Variants in DENND2A observed in about 807,000 individuals in gnomAD.
DENND2A encodes the protein DENN domain containing 2A.
A neutral mutation model predicts 105.3 loss-of-function variants in DENND2A; 53 were observed. The observed-to-expected ratio is 0.50, with a 90% CI of 0.40 to 0.63. The LOEUF (loss-of-function observed/expected upper bound fraction) is 0.63, where lower values mean the gene tolerates loss of function less well. Among genes scored for constraint, DENND2A ranks in the 30% least tolerant of loss-of-function variants. The pLI is 0.00. For missense variants in DENND2A, 1,138 were observed against 1,279.6 expected (o/e 0.89, Z 1.69); for synonymous variants, 522 against 508.4 (o/e 1.03, Z -0.36).
At chr7:140,604,685 G>A (rs1249255637) in intron 2 of DENND2A, among the ~76,000 whole-genome samples, 6 of 152,182 alleles carry the variant, frequency 3.9e-5, no homozygotes, top group Admixed American at 2.0e-4. Context: ...GGTTATTAAT[G>A]TCCTATATGC....
Position 140,518,719 on chromosome 7 carries a change from G to A in DENND2A, c.3018C>T (p.Leu1006=), listed in dbSNP as rs1795747054. The part of the protein sequence containing the change: ...LKGLGNKMKF[L]HKK ...TTGAGGCTGAGAGTTATTTCTTGTG[G>A]AGAAATTTCATTTTATTGCCTAAAA... The change falls in exon 20 of 20, where the codon CTC becomes CTT. Residue 1006 remains leucine (L), a synonymous_variant. Coordinates refer to ENST00000496613, the MANE Select transcript of DENND2A (RefSeq NM_015689.5). The A allele has an allele frequency of 1.9e-6, 3 of 1,613,726 alleles. No homozygotes were observed. Among genetic ancestry groups the A allele is most frequent in the Admixed American group, 1.7e-5 (1 of 60,006 alleles).
At chr7:140,590,355 A>G (rs892481600) in intron 3 of DENND2A, among the ~76,000 whole-genome samples, 5 of 151,814 alleles carry the variant, frequency 3.3e-5, no homozygotes, top group African/African-American at 1.2e-4. Flanking sequence ...GCGCCACTGC[A>G]CTCTAGCCTG....
Position 140,556,238 on chromosome 7 carries a change from G to A in DENND2A, c.1960-525C>T, listed in dbSNP as rs1033759675. ...TCGCCATATTGGCCAGGCTGGTCTCGAACTCCTGACCTCATGATCTGCCTG... is the reference window on the plus strand; with the variant it reads ...TCGCCATATTGGCCAGGCTGGTCTCAAACTCCTGACCTCATGATCTGCCTG... On this transcript the variant is annotated intron_variant, in intron 11 of 19. Transcript: ENST00000496613. 3.9e-4 allele frequency among the ~76,000 whole-genome samples: 60 copies of A among 151,934 alleles called. 2 individuals carry two copies. The highest frequency in any genetic ancestry group is 3.8e-3 in the Admixed American group (58 of 15,222).
At chr7:140,519,401 C>A (rs372921156) in intron 19 of DENND2A, among the ~76,000 whole-genome samples, 273 of 152,314 alleles carry the variant, frequency 1.8e-3, no homozygotes, top group African/African-American at 6.0e-3. Context: ...AAGAAGACAG[C>A]AAGAAAGCCC....
At chr7:140,577,554 C>G (rs970316909) in intron 5 of DENND2A, among the ~76,000 whole-genome samples, 3 of 152,012 alleles carry the variant, frequency 2.0e-5, no homozygotes, top group African/African-American at 7.2e-5. Flanking sequence ...AGTGCCACCA[C>G]GCCTGGCTAA....
At position 140,567,251 on chromosome 7, in the gene DENND2A, G is replaced by A. The variant is rs202162467; in HGVS notation, c.1614C>T (p.Asn538=). The part of the protein sequence containing the change: ...KLKAHSQRLV[N]VKSRLKQAPR... The stretch of plus-strand genomic sequence containing the variant: ...GCGCCTGCTTCAGCCGGGACTTCAC[G>A]TTGACCAGGCGCTGGCTGTGAGCTG... The change falls in exon 9 of 20, where the codon AAC becomes AAT. Residue 538 remains asparagine (N), a synonymous_variant. Transcript: ENST00000496613. The A allele has an allele frequency of 1.6e-4, 261 of 1,609,254 alleles. No homozygotes were observed. The highest frequency in any genetic ancestry group is 4.9e-4 in the Admixed American group (29 of 59,672).
intron 1 of DENND2A, among the ~76,000 whole-genome samples, chr7:140,615,357 G>T (rs921629303): frequency 6.6e-6 from 1 of 152,118 alleles, no homozygotes; most frequent in Admixed American, 6.6e-5. Context: ...AACACCGGGG[G>T]ACATATTTGG....
intron 1 of DENND2A, among the ~76,000 whole-genome samples, chr7:140,633,411 G>A (rs1041230428): frequency 4.0e-5 from 6 of 151,742 alleles, no homozygotes; most frequent in African/African-American, 1.2e-4. Context: ...CGCCTTGGCC[G>A]CCCAAAGTGC....
At chr7:140,542,752 G>A (rs953317623) in intron 14 of DENND2A, among the ~76,000 whole-genome samples, 1 of 151,944 alleles carries the variant, frequency 6.6e-6, no homozygotes, top group South Asian at 2.1e-4. Context: ...TTTTAGTAGA[G>A]ACGGGGTTTC....
At chr7:140,638,477 G>A (rs1801038172) in intron 1 of DENND2A, among the ~76,000 whole-genome samples, 1 of 152,146 alleles carries the variant, frequency 6.6e-6, no homozygotes. Context: ...TGGCCTGGGT[G>A]TTGCAAAAAG....
At chr7:140,561,683 T>A (rs1266114157) in intron 9 of DENND2A, among the ~76,000 whole-genome samples, 2 of 65,920 alleles carry the variant, frequency 3.0e-5, no homozygotes, top group African/African-American at 5.9e-5. Context: ...TTTTTTTTTT[T>A]TTTGTATTTT....
intron 3 of DENND2A, among the ~76,000 whole-genome samples, chr7:140,595,781 C>T (rs1292815861): frequency 1.3e-5 from 2 of 151,728 alleles, no homozygotes; most frequent in East Asian, 3.9e-4. Flanking sequence ...AAAAAAAAAG[C>T]TTGGCTAGCC....
chr7:140,628,988 T>TTA (rs1038294431), intron 1 of DENND2A, among the ~76,000 whole-genome samples: 65 of 152,200 alleles, frequency 4.3e-4, no homozygotes, highest in African/African-American at 1.4e-3. Flanking sequence ...AAGCTAGAGA[T>TTA]AAAAGATATA....
rs369401708 is a variant in DENND2A at position 140,587,672 on chromosome 7, G to A, written c.1104C>T (p.Asn368=). 172 of 1,613,738 alleles carry A rather than the reference G, an allele frequency of 1.1e-4. No individual in the cohort carries two copies. The East Asian group carries it at 1.8e-3, about 17-fold the overall frequency. Residue 368 remains asparagine (N), a synonymous_variant, in exon 4 of 20, where the codon AAC becomes AAT. Coordinates refer to ENST00000496613, the MANE Select transcript of DENND2A (RefSeq NM_015689.5). Reference sequence around the variant, plus strand: ...TCTTACCTAGAATGTCTTCATAGACGTTCTCCTCCGATAAAGTGCGTGTCA... The same window carrying A: ...TCTTACCTAGAATGTCTTCATAGACATTCTCCTCCGATAAAGTGCGTGTCA... ...LGLTRTLSEE[N]VYEDILDPPM...
intron 12 of DENND2A, among the ~76,000 whole-genome samples, chr7:140,550,251 G>C (rs1797071857): frequency 6.6e-6 from 1 of 152,112 alleles, no homozygotes; most frequent in African/African-American, 2.4e-5. Context: ...GGAGTGCAAT[G>C]GCATGATTTT....
chr7:140,559,629 T>C lies in DENND2A; in HGVS notation c.1889+79A>G, dbSNP rs1229016084. On this transcript the variant is annotated intron_variant, in intron 10 of 19. Coordinates refer to ENST00000496613, the MANE Select transcript of DENND2A (RefSeq NM_015689.5). This position sits in a 1 kb window ranked among gnomAD's most constrained non-coding sequence, Gnocchi z 4.1. ...ATTACTTAACGGTGGGAATGACTCATGTGGTCTGCCACCTGTAACCCCGTC... is the reference window on the plus strand; with the variant it reads ...ATTACTTAACGGTGGGAATGACTCACGTGGTCTGCCACCTGTAACCCCGTC... 2.0e-6 allele frequency: 2 copies of C among 1,007,238 alleles called. No homozygotes were observed. Among genetic ancestry groups the C allele is most frequent in the Admixed American group, 2.0e-5 (1 of 50,126 alleles). The allele number at this position is 1,007,238 out of a possible 1,614,324, so 62.4% of individuals were successfully genotyped here.
intron 11 of DENND2A, among the ~76,000 whole-genome samples, chr7:140,556,069 G>A (rs1260833106): frequency 6.6e-6 from 1 of 152,140 alleles, no homozygotes; most frequent in Non-Finnish European, 1.5e-5. Flanking sequence ...CCAGGCTGGA[G>A]TGCAGTGGTG....
Position 140,519,723 on chromosome 7 carries a change from TAAC to T in DENND2A, c.2912-8_2912-6del. 1 of 1,613,786 alleles carries T rather than the reference TAAC, an allele frequency of 6.2e-7. No homozygotes were observed. The highest frequency in any genetic ancestry group is 8.5e-7 in the Non-Finnish European group (1 of 1,179,672). ...GGGCTCGGACCTCAAACAGACCTGT[TAAC>T]AAGAGAAATCCCAGCCATTTGAGTT... is the stretch of plus-strand genomic sequence containing the variant. On this transcript the variant is annotated splice_region_variant and splice_polypyrimidine_tract_variant and intron_variant, in intron 18 of 19. Coordinates refer to ENST00000496613, the MANE Select transcript of DENND2A (RefSeq NM_015689.5).
chr7:140,544,423 G>A (rs765152247), intron 14 of DENND2A, 195 bp downstream of exon 14: 86 of 685,280 alleles, frequency 1.3e-4, no homozygotes, highest in Non-Finnish European at 1.9e-4. Context: ...TCGAACTCCT[G>A]GTCTCAAGTG....
Sources: allele counts gnomAD v4.1 joint callset (sites outside exome capture counted in the v4.1 genomes callset), GRCh38; gene constraint gnomAD v4.1.1; non-coding constraint Gnocchi (gnomAD v3.1); transcripts MANE v1.5; gene names NCBI Gene and HGNC (gene_info 2026-07-23, HGNC 2026-07-21).